Variants in TNRC6C observed in about 807,000 individuals in gnomAD.
The protein encoded by TNRC6C is trinucleotide repeat-containing gene 6C protein.
A neutral mutation model predicts 153.7 loss-of-function variants in TNRC6C; 20 were observed. The observed-to-expected ratio is 0.13, with a 90% CI of 0.09 to 0.19. The LOEUF (loss-of-function observed/expected upper bound fraction) is 0.19. Ranked by LOEUF, TNRC6C falls within the 10% of genes least tolerant of loss-of-function variation. The probability of loss-of-function intolerance (pLI) is 1.00; values close to 1 mark genes in which losing one functional copy is unlikely to be tolerated. For synonymous variants in TNRC6C, 811 were observed against 841.4 expected (o/e 0.96, Z 0.63); for missense variants, 1,987 against 2,172.0 (o/e 0.91, Z 1.69).
exon 16 of TNRC6C, chr17:78,093,714 C>T: frequency 6.2e-7 from 1 of 1,613,918 alleles, no homozygotes; most frequent in South Asian, 1.1e-5. Flanking sequence ...CTGGGCCTAC[C>T]ATCAACACCA....
At chr17:78,103,597 A>C (rs562827863) in intron 19 of TNRC6C, 44 bp downstream of exon 22, 4 of 1,611,604 alleles carry the variant, frequency 2.5e-6, no homozygotes, top group Non-Finnish European at 8.5e-7. Context: ...GTAGCTCCCC[A>C]TCCCCCAGAG....
At chr17:77,966,627 C>T (rs1037473006) in intron 1 of TNRC6C, among the ~76,000 whole-genome samples, 1 of 152,162 alleles carries the variant, frequency 6.6e-6, no homozygotes, top group Non-Finnish European at 1.5e-5. Context: ...AAAGATGACA[C>T]ACAAGATAGT....
At chr17:78,068,135 C>G (rs2072919983) in intron 5 of TNRC6C, among the ~76,000 whole-genome samples, 1 of 152,202 alleles carries the variant, frequency 6.6e-6, no homozygotes. Context: ...TTTGAAGTCT[C>G]TCTCCGGTAT....
chr17:78,027,108 A>T, intron 1 of TNRC6C, among the ~76,000 whole-genome samples: 1 of 152,178 alleles, frequency 6.6e-6, no homozygotes, highest in East Asian at 1.9e-4. Flanking sequence ...AGAAGAAGGC[A>T]GGAGTGGCCG....
intron 1 of TNRC6C, among the ~76,000 whole-genome samples, chr17:78,008,028 A>G (rs1244424434): frequency 6.6e-6 from 1 of 152,166 alleles, no homozygotes; most frequent in Non-Finnish European, 1.5e-5. Flanking sequence ...ATACTCCTCT[A>G]CCTTCTCCTG....
chr17:77,965,085 G>A (rs536755373), intron 1 of TNRC6C, among the ~76,000 whole-genome samples: 32 of 152,300 alleles, frequency 2.1e-4, no homozygotes, highest in African/African-American at 7.2e-4. Context: ...AAGGACATGA[G>A]TTTATCTTAT....
chr17:77,984,711 T>C (rs965408309), intron 1 of TNRC6C, among the ~76,000 whole-genome samples: 7 of 152,160 alleles, frequency 4.6e-5, no homozygotes, highest in African/African-American at 1.7e-4. Flanking sequence ...GGACCACCTC[T>C]TCCCTGTTCC....
intron 1 of TNRC6C, among the ~76,000 whole-genome samples, chr17:77,992,118 C>G (rs574397629): frequency 1.3e-5 from 2 of 152,342 alleles, no homozygotes; most frequent in Non-Finnish European, 2.9e-5. Flanking sequence ...AAGACTGTCA[C>G]TTCACACTGT....
At chr17:77,974,239 G>A (rs2070967307) in intron 1 of TNRC6C, among the ~76,000 whole-genome samples, 1 of 152,068 alleles carries the variant, frequency 6.6e-6, no homozygotes, top group Non-Finnish European at 1.5e-5. Flanking sequence ...TTTAAAATGG[G>A]CGAAGGATTT....
upstream of TNRC6C, among the ~76,000 whole-genome samples, chr17:77,999,636 A>G (rs147421522): frequency 7.6e-4 from 116 of 152,352 alleles, no homozygotes; most frequent in African/African-American, 2.5e-3. Flanking sequence ...AAAGCAGTGC[A>G]CATCCATTGC....
In TNRC6C at chr17:78,015,739, G is replaced by T. The variant is rs142716429; in HGVS notation, c.-546+10660G>T. The stretch of plus-strand genomic sequence containing the variant: ...CCAGCCTGGCCAAGATGGCAGAACC[G>T]CATCTCTACTAAAAGTACAAAAATT... On this transcript the variant is annotated intron_variant, in intron 1 of 19. Transcript: ENST00000301624. Among the ~76,000 whole-genome samples the T allele has an allele frequency of 5.6e-3, 849 of 152,162 alleles. 6 individuals carry two copies. Among genetic ancestry groups the T allele is most frequent in the African/African-American group, 0.019 (800 of 41,498 alleles).
At chr17:78,015,625 A>T (rs1337078453) in intron 1 of TNRC6C, among the ~76,000 whole-genome samples, 1 of 152,162 alleles carries the variant, frequency 6.6e-6, no homozygotes, top group African/African-American at 2.4e-5. Flanking sequence ...TAAATGTACT[A>T]CTTGGGCCAG....
Position 78,067,995 on chromosome 17 carries a change from T to TA in TNRC6C, c.2778+74dup, listed in dbSNP as rs1287257322. Reference sequence around the variant, plus strand: ...ACTTCAGACACATTCAGTATCCAGTTAATCAGACAAAAAGATAGACCTGAG... The same window carrying TA: ...ACTTCAGACACATTCAGTATCCAGTTAAATCAGACAAAAAGATAGACCTGAG... On this transcript the variant is annotated intron_variant, in intron 5 of 19. Coordinates refer to ENST00000301624, the Ensembl canonical transcript of TNRC6C. 7 of 1,503,314 alleles carry TA rather than the reference T, an allele frequency of 4.7e-6. No individual in the cohort carries two copies. The African/African-American group carries it at 9.8e-5, about 21-fold the overall frequency. The allele number at this position is 1,503,314 out of a possible 1,614,324, so 93.1% of individuals were successfully genotyped here.
intron 1 of TNRC6C, among the ~76,000 whole-genome samples, chr17:78,010,894 T>C (rs1289095082): frequency 6.6e-6 from 1 of 152,222 alleles, no homozygotes; most frequent in East Asian, 1.9e-4. Flanking sequence ...AGTAGGTACA[T>C]GAACGTATAA....
In TNRC6C at chr17:77,975,005, A is replaced by G. The variant is rs1474013874; in HGVS notation, c.-38+15737A>G. On this transcript the variant is annotated intron_variant, in intron 1 of 22. Coordinates refer to the TNRC6C transcript ENST00000636222. ...CATCTTTAAAATGTATCTTTCTAGT[A>G]ATCAAAGAAAGAAATAAGCCAGATT... Among the ~76,000 whole-genome samples the G allele has an allele frequency of 6.8e-5, 8 of 117,214 alleles. No individual in the cohort carries two copies. In the East Asian group the frequency reaches 1.7e-3, roughly 24 times the overall value. The allele number at this position is 117,214 out of a possible 152,430, so 76.9% of individuals were successfully genotyped here.
intron 4 of TNRC6C, among the ~76,000 whole-genome samples, 164 bp downstream of exon 6, chr17:78,065,101 C>T (rs1377266732): frequency 1.3e-5 from 2 of 152,182 alleles, no homozygotes; most frequent in Non-Finnish European, 2.9e-5. Flanking sequence ...ATAATCCCAG[C>T]ACTTTGGGAG....
upstream of TNRC6C, among the ~76,000 whole-genome samples, chr17:78,001,631 C>T (rs1384859674): frequency 6.6e-6 from 1 of 151,886 alleles, no homozygotes; most frequent in Non-Finnish European, 1.5e-5. Context: ...AAGCAAGTTG[C>T]AAAAAAGTTT....
At chr17:78,061,471 C>T (rs1330252807) in intron 3 of TNRC6C, among the ~76,000 whole-genome samples, 1 of 152,182 alleles carries the variant, frequency 6.6e-6, no homozygotes, top group Non-Finnish European at 1.5e-5. Flanking sequence ...CCTAGTGTTT[C>T]TGTTAGGATG....
intron 1 of TNRC6C, among the ~76,000 whole-genome samples, chr17:78,008,061 C>T (rs542907171): frequency 1.2e-3 from 179 of 152,138 alleles, no homozygotes; most frequent in African/African-American, 3.5e-3. Context: ...TAGTCTAATC[C>T]GTTCTTAATA....
Sources: gnomAD v4.1 joint callset for allele counts (sites outside exome capture counted in the v4.1 genomes callset) on GRCh38, gnomAD v4.1.1 for gene constraint, MANE v1.5 for transcripts, NCBI Gene and HGNC (gene_info 2026-07-23, HGNC 2026-07-21) for gene names.